Variants in EFNA5 observed in about 807,000 individuals in gnomAD.
EFNA5 encodes the protein ephrin A5.
Under a neutral mutation model 22.9 loss-of-function variants are expected in EFNA5, and 5 were observed. The ratio of observed to expected loss-of-function variants is 0.22; its 90% confidence interval spans 0.11 to 0.46. The LOEUF is 0.46. Ranked by LOEUF, EFNA5 falls within the 20% of genes least tolerant of loss-of-function variation. The pLI, the probability that EFNA5 is intolerant of heterozygous loss-of-function variation, is 0.99. For missense variants in EFNA5, 237 were observed against 293.3 expected, an observed-to-expected ratio of 0.81 and a Z score of 1.40; for synonymous variants, 113 against 112.2, an observed-to-expected ratio of 1.01 and a Z score of -0.04.
intron 1 of EFNA5, among the ~76,000 whole-genome samples, chr5:107,636,078 A>T (rs905557100): frequency 5.3e-5 from 8 of 152,226 alleles, no homozygotes; most frequent in Non-Finnish European, 1.0e-4. Context: ...CTGATGCTGA[A>T]ATCAGAGTAT....
In EFNA5 at chr5:107,521,536, C is replaced by T. The variant is rs555410369; in HGVS notation, c.126-94027G>A. On this transcript the variant is annotated intron_variant, in intron 1 of 4. Transcript: ENST00000333274. Reference sequence around the variant, plus strand: ...ATGTTGCCCAGGCTGGTCTTAAACTCCTAGGCTCAAACAACCCTCCCACCT... The same window carrying T: ...ATGTTGCCCAGGCTGGTCTTAAACTTCTAGGCTCAAACAACCCTCCCACCT... Among the ~76,000 whole-genome samples the T allele has an allele frequency of 8.8e-5, 13 of 147,626 alleles. No homozygotes were observed. In the South Asian group the frequency reaches 2.8e-3, roughly 32 times the overall value.
In EFNA5 at chr5:107,569,495, A is replaced by G. The variant is rs467352; in HGVS notation, c.125+100994T>C. Among the ~76,000 whole-genome samples the G allele has an allele frequency of 1.3e-3, 171 of 130,482 alleles. 2 individuals carry two copies. The highest frequency in any genetic ancestry group is 4.7e-3 in the African/African-American group (147 of 31,290). The allele number at this position is 130,482 out of a possible 152,430, so 85.6% of individuals were successfully genotyped here. The stretch of plus-strand genomic sequence containing the variant: ...TATATGTGTATATATATTTATATAT[A>G]TGTGTATATATATTTATATATGTGT... On this transcript the variant is annotated intron_variant, in intron 1 of 4. Transcript: ENST00000333274.
intron 1 of EFNA5, among the ~76,000 whole-genome samples, chr5:107,470,560 T>C (rs1750112080): frequency 6.6e-6 from 1 of 152,244 alleles, no homozygotes; most frequent in African/African-American, 2.4e-5. Context: ...AGTCAGTTGC[T>C]GAAGTTTTCT....
rs1386347202 is a variant in EFNA5 at position 107,378,993 on chromosome 5, A to T, written c.*2262T>A. 2 of 138,756 alleles carry T rather than the reference A, an allele frequency of 1.4e-5. No individual in the cohort carries two copies. The highest frequency in any genetic ancestry group is 3.1e-5 in the Non-Finnish European group (2 of 65,364). The allele number at this position is 138,756 out of a possible 1,614,324, so 8.6% of individuals were successfully genotyped here. On this transcript the variant is annotated 3_prime_UTR_variant, in exon 5 of 5. Transcript: ENST00000333274. ...ACCAACAAGCCTGTAACTATTAATTAAAAAAAAAAAAGTATTTCTGCATAT... is the reference window on the plus strand; with the variant it reads ...ACCAACAAGCCTGTAACTATTAATTTAAAAAAAAAAAGTATTTCTGCATAT...
At chr5:107,553,004 G>A (rs950206272) in intron 1 of EFNA5, among the ~76,000 whole-genome samples, 19 of 151,656 alleles carry the variant, frequency 1.3e-4, no homozygotes, top group African/African-American at 4.4e-4. Context: ...ATAAATGCAA[G>A]TTGCTATTTT....
chr5:107,643,800 C>T (rs1324492936), intron 1 of EFNA5, among the ~76,000 whole-genome samples: 1 of 151,942 alleles, frequency 6.6e-6, no homozygotes, highest in Non-Finnish European at 1.5e-5. Flanking sequence ...CTTAAGCTTT[C>T]CTGCCTTCTT....
intron 2 of EFNA5, among the ~76,000 whole-genome samples, chr5:107,416,020 C>T (rs909775810): frequency 5.3e-5 from 8 of 152,210 alleles, no homozygotes; most frequent in Non-Finnish European, 2.9e-5. Context: ...ACTCAGGGCA[C>T]TGAAGAGACA....
chr5:107,640,638 G>C (rs1268867991), intron 1 of EFNA5, among the ~76,000 whole-genome samples: 2 of 152,184 alleles, frequency 1.3e-5, no homozygotes, highest in Non-Finnish European at 2.9e-5. Flanking sequence ...AGATCATTCA[G>C]CTTCACCAGA....
At chr5:107,489,607 C>A (rs1561409467) in intron 1 of EFNA5, among the ~76,000 whole-genome samples, 1 of 151,816 alleles carries the variant, frequency 6.6e-6, no homozygotes, top group East Asian at 1.9e-4. Flanking sequence ...CCTCAGGTGC[C>A]TTCACTGGAC....
chr5:107,407,670 T>C (rs149099333), intron 2 of EFNA5, among the ~76,000 whole-genome samples: 323 of 152,358 alleles, frequency 2.1e-3, no homozygotes, highest in Non-Finnish European at 3.4e-3. Context: ...ATTTACATTA[T>C]AGCTAGTTCT....
At chr5:107,640,860 C>T (rs989767824) in intron 1 of EFNA5, among the ~76,000 whole-genome samples, 1 of 152,146 alleles carries the variant, frequency 6.6e-6, no homozygotes, top group Non-Finnish European at 1.5e-5. Flanking sequence ...CTCTCCTTCC[C>T]CAGGAGACCA....
intron 1 of EFNA5, among the ~76,000 whole-genome samples, chr5:107,651,155 C>T (rs1412474564): frequency 6.6e-6 from 1 of 152,142 alleles, no homozygotes; most frequent in Non-Finnish European, 1.5e-5. Flanking sequence ...CCACATAGCC[C>T]AGCTGAGTGG....
chr5:107,445,406 G>A (rs1749365246), intron 1 of EFNA5, among the ~76,000 whole-genome samples: 1 of 152,174 alleles, frequency 6.6e-6, no homozygotes, highest in Non-Finnish European at 1.5e-5. Flanking sequence ...GTGCTCTATT[G>A]AAGGGTTTAT....
At chr5:107,593,867 C>A (rs1276685668) in intron 1 of EFNA5, among the ~76,000 whole-genome samples, 1 of 152,162 alleles carries the variant, frequency 6.6e-6, no homozygotes, top group Non-Finnish European at 1.5e-5. Context: ...CCTGACCCAG[C>A]CATCATCTTC....
chr5:107,437,421 T>G (rs1462329951), intron 1 of EFNA5, among the ~76,000 whole-genome samples: 1 of 152,174 alleles, frequency 6.6e-6, no homozygotes, highest in African/African-American at 2.4e-5. Flanking sequence ...GGAATGAGGC[T>G]AATACAAAGA....
At chr5:107,559,883 C>T (rs192514555) in intron 1 of EFNA5, among the ~76,000 whole-genome samples, 2 of 152,254 alleles carry the variant, frequency 1.3e-5, no homozygotes, top group East Asian at 3.9e-4. Flanking sequence ...ATGCTTTCCC[C>T]CCAAATCTGA....
At chr5:107,400,989 A>C (rs1748067390) in intron 2 of EFNA5, among the ~76,000 whole-genome samples, 1 of 152,218 alleles carries the variant, frequency 6.6e-6, no homozygotes, top group African/African-American at 2.4e-5. Flanking sequence ...AAAGATTGAT[A>C]AATTACAATT....
At chr5:107,394,183 A>C (rs1747859545) in intron 2 of EFNA5, among the ~76,000 whole-genome samples, 1 of 152,244 alleles carries the variant, frequency 6.6e-6, no homozygotes, top group South Asian at 2.1e-4. Context: ...TGACTCGCTC[A>C]TGGCCCCGGT....
chr5:107,537,658 CCATGAGAGAT>C (rs1296014372), intron 1 of EFNA5, among the ~76,000 whole-genome samples: 1 of 152,098 alleles, frequency 6.6e-6, no homozygotes, highest in African/African-American at 2.4e-5. Flanking sequence ...CAGGATGATT[CCATGAGAGAT>C]CATGAACATT....
Sources: allele counts gnomAD v4.1 joint callset (sites outside exome capture counted in the v4.1 genomes callset), GRCh38; gene constraint gnomAD v4.1.1; transcripts MANE v1.5; gene names NCBI Gene and HGNC (gene_info 2026-07-23, HGNC 2026-07-21).